The following HECW1 variants were observed in gnomAD, a reference collection of about 807,000 sequenced individuals.
The protein encoded by HECW1 is E3 ubiquitin-protein ligase HECW1.
HECW1 carries 61 observed loss-of-function variants against 182.3 expected under a neutral mutation model. The observed-to-expected ratio is 0.33, with a 90% CI of 0.27 to 0.41. The LOEUF is 0.41. Ranked by LOEUF, HECW1 falls within the 10% of genes least tolerant of loss-of-function variation. The pLI, the probability that HECW1 is intolerant of heterozygous loss-of-function variation, is 1.00. For synonymous variants in HECW1, 859 were observed against 832.6 expected (o/e 1.03, Z -0.55); for missense variants, 1,739 against 2,108.9 (o/e 0.82, Z 3.44).
chr7:43,209,160 CG>C (rs1795760949), intron 2 of HECW1, among the ~76,000 whole-genome samples: 2 of 141,750 alleles, frequency 1.4e-5, no homozygotes, highest in African/African-American at 5.3e-5. Flanking sequence ...ATGAAGCCAG[CG>C]TTAACAGTGG....
intron 24 of HECW1, among the ~76,000 whole-genome samples, chr7:43,529,972 CAG>C (rs1478541425): frequency 6.6e-6 from 1 of 151,260 alleles, no homozygotes; most frequent in African/African-American, 2.4e-5. Context: ...TTTTTTGAGA[CAG>C]AGTTTCGCTC....
At position 43,401,126 on chromosome 7, in the gene HECW1, A is replaced by G. The variant is rs182871689; in HGVS notation, c.631+4237A>G. On this transcript the variant is annotated intron_variant, in intron 7 of 29. Transcript: ENST00000395891. ...TTACCATGTAAGGTAACATATTCAT[A>G]GGCTCCAAGGATTAGGATGTGAACA... Among the ~76,000 whole-genome samples the G allele has an allele frequency of 2.6e-5, 4 of 152,354 alleles. No individual in the cohort carries two copies. In the East Asian group the frequency reaches 7.7e-4, roughly 29 times the overall value.
At chr7:43,264,271 A>G (rs1021860939) in intron 3 of HECW1, among the ~76,000 whole-genome samples, 1 of 152,144 alleles carries the variant, frequency 6.6e-6, no homozygotes, top group Non-Finnish European at 1.5e-5. Context: ...GGTAACTACC[A>G]TTCTACTCTC....
intron 6 of HECW1, among the ~76,000 whole-genome samples, chr7:43,376,781 G>A (rs1352722611): frequency 6.6e-6 from 1 of 151,958 alleles, no homozygotes; most frequent in Admixed American, 6.5e-5. Flanking sequence ...CAGGACAATT[G>A]CTTGAACCCA....
chr7:43,441,118 G>A (rs1057481509), intron 9 of HECW1, among the ~76,000 whole-genome samples: 9 of 152,282 alleles, frequency 5.9e-5, no homozygotes, highest in Middle Eastern at 3.4e-3. Context: ...TCCTATTTAG[G>A]CCCAGGTAAG....
intron 2 of HECW1, among the ~76,000 whole-genome samples, chr7:43,127,523 CAAAAAAAA>C (rs71562078): frequency 2.8e-4 from 16 of 57,288 alleles, no homozygotes; most frequent in African/African-American, 7.6e-4. Flanking sequence ...AACTCCATCT[CAAAAAAAA>C]AAAAAAAAAA....
rs535167787 is a variant in HECW1 at position 43,313,636 on chromosome 7, C to T, written c.352+1549C>T. Among the ~76,000 whole-genome samples the T allele has an allele frequency of 8.4e-4, 128 of 152,252 alleles. 2 individuals carry two copies. The highest frequency in any genetic ancestry group is 6.8e-3 in the Middle Eastern group (2 of 294). ...ACAGGTGTGAGCCACTGCCCTCGGCCGCATATTTTGTTTCATTTACATTGT... is the reference window on the plus strand; with the variant it reads ...ACAGGTGTGAGCCACTGCCCTCGGCTGCATATTTTGTTTCATTTACATTGT... On this transcript the variant is annotated intron_variant, in intron 4 of 29. Coordinates refer to ENST00000395891, the MANE Select transcript of HECW1 (RefSeq NM_015052.5).
intron 3 of HECW1, among the ~76,000 whole-genome samples, chr7:43,306,854 G>GT (rs911449891): frequency 4.0e-5 from 6 of 151,798 alleles, no homozygotes; most frequent in African/African-American, 1.4e-4. Flanking sequence ...TTAAGATTCT[G>GT]TTTTTTTACA....
At chr7:43,533,325 A>G (rs893479304) in intron 24 of HECW1, among the ~76,000 whole-genome samples, 3 of 152,198 alleles carry the variant, frequency 2.0e-5, no homozygotes, top group African/African-American at 7.2e-5. Context: ...AAGATCCAGG[A>G]AGTATCAGAG....
At chr7:43,117,312 A>C (rs973234793) in intron 2 of HECW1, among the ~76,000 whole-genome samples, 2 of 152,020 alleles carry the variant, frequency 1.3e-5, no homozygotes, top group Non-Finnish European at 2.9e-5. Flanking sequence ...TTCCCCTTTC[A>C]GTTTCTCTCT....
At chr7:43,264,751 G>C in intron 3 of HECW1, among the ~76,000 whole-genome samples, 1 of 151,580 alleles carries the variant, frequency 6.6e-6, no homozygotes, top group African/African-American at 2.4e-5. Flanking sequence ...GGCTGAGGCA[G>C]GAGAATGGCG....
At chr7:43,502,457 G>C (rs10276071) in intron 21 of HECW1, among the ~76,000 whole-genome samples, 43,888 of 152,018 alleles carry the variant, frequency 0.29, 6,524 homozygotes, top group South Asian at 0.46. Context: ...AAGAGTTCGA[G>C]ACCAGCCTGG....
At chr7:43,372,762 C>G (rs2074163274) in intron 6 of HECW1, among the ~76,000 whole-genome samples, 1 of 151,786 alleles carries the variant, frequency 6.6e-6, no homozygotes, top group African/African-American at 2.4e-5. Context: ...CTGGCTTTAT[C>G]TAGATGCTCA....
intron 6 of HECW1, among the ~76,000 whole-genome samples, chr7:43,369,728 A>AT: frequency 1.1e-5 from 1 of 88,162 alleles, no homozygotes; most frequent in South Asian, 3.4e-4. Context: ...GACTTCTTAA[A>AT]CAAAGGCTTT....
At chr7:43,196,621 ACT>A (rs997812798) in intron 2 of HECW1, among the ~76,000 whole-genome samples, 3 of 151,986 alleles carry the variant, frequency 2.0e-5, no homozygotes, top group Non-Finnish European at 2.9e-5. Flanking sequence ...GCAGTGGGCC[ACT>A]CTCTCTGCAC....
chr7:43,256,904 A>G (rs1051674944), intron 3 of HECW1, among the ~76,000 whole-genome samples: 3 of 152,240 alleles, frequency 2.0e-5, no homozygotes, highest in Admixed American at 2.0e-4. Flanking sequence ...ATTCAACTCT[A>G]TTTATGCCAA....
intron 26 of HECW1, among the ~76,000 whole-genome samples, chr7:43,542,205 C>G (rs1013226240): frequency 6.6e-6 from 1 of 152,114 alleles, no homozygotes; most frequent in Non-Finnish European, 1.5e-5. Flanking sequence ...TTTCTCCCAC[C>G]CACAACTCCT....
chr7:43,349,025 T>TTTTTG (rs939650369), intron 5 of HECW1, among the ~76,000 whole-genome samples: 7 of 145,538 alleles, frequency 4.8e-5, no homozygotes, highest in South Asian at 2.2e-4. Flanking sequence ...TTCGTTTTTG[T>TTTTTG]TTTTGTTTTG....
At chr7:43,436,901 G>A (rs148360016) in intron 8 of HECW1, among the ~76,000 whole-genome samples, 50 of 152,208 alleles carry the variant, frequency 3.3e-4, no homozygotes, top group African/African-American at 1.2e-3. Context: ...GTCTCACTCT[G>A]TCACCCAGGC....
Sources: allele counts gnomAD v4.1 joint callset (sites outside exome capture counted in the v4.1 genomes callset), GRCh38; gene constraint gnomAD v4.1.1; transcripts MANE v1.5; gene names NCBI Gene and HGNC (gene_info 2026-07-23, HGNC 2026-07-21).